Variants in ANO10 observed in about 807,000 individuals in gnomAD.
The protein encoded by ANO10 is anoctamin 10, also known as anoctamin-10.
In ANO10, 77 loss-of-function variants were observed where a neutral mutation model predicts 74.7. That is an observed-to-expected ratio of 1.03 (90% confidence interval 0.86 to 1.25). The LOEUF (loss-of-function observed/expected upper bound fraction) is 1.25. Ranked by LOEUF, ANO10 falls within the 50% of genes most tolerant of loss-of-function variation. ANO10 has a pLI of 0.00. For synonymous variants in ANO10, 279 were observed against 284.9 expected, an observed-to-expected ratio of 0.98 and a Z score of 0.21; for missense variants, 721 against 778.1, an observed-to-expected ratio of 0.93 and a Z score of 0.87.
Position 43,543,533 on chromosome 3 carries a change from C to T in ANO10, c.1797+6187G>A, listed in dbSNP as rs998943120. Among the ~76,000 whole-genome samples, 57 of 152,220 alleles carry T rather than the reference C, an allele frequency of 3.7e-4. 1 individual carries two copies. The highest frequency in any genetic ancestry group is 1.2e-3 in the African/African-American group (51 of 41,556). On this transcript the variant is annotated intron_variant, in intron 11 of 12. Transcript: ENST00000292246. Reference sequence around the variant, plus strand: ...GCCTCCCAGTAGCTGGGACTACAGGCGCCCGCCACAGCGCCCGCTAATTTT... The same window carrying T: ...GCCTCCCAGTAGCTGGGACTACAGGTGCCCGCCACAGCGCCCGCTAATTTT...
intron 11 of ANO10, among the ~76,000 whole-genome samples, chr3:43,517,847 A>G (rs562609955): frequency 6.6e-6 from 1 of 152,298 alleles, no homozygotes; most frequent in South Asian, 2.1e-4. Flanking sequence ...GTGCTTAAAT[A>G]CTGCAGCAGC....
At chr3:43,551,352 T>G in intron 10 of ANO10, 4 of 342,660 alleles carry the variant, frequency 1.2e-5, no homozygotes, top group South Asian at 9.5e-5. Flanking sequence ...ACTTGCAATA[T>G]GTTTGTAACT....
At chr3:43,383,193 T>C (rs1267320833) in intron 12 of ANO10, among the ~76,000 whole-genome samples, 2 of 152,030 alleles carry the variant, frequency 1.3e-5, no homozygotes, top group African/African-American at 4.8e-5. Flanking sequence ...GTGGCTCATG[T>C]CTGTAATCCC....
At chr3:43,620,641 G>A (rs1192265882) in intron 1 of ANO10, among the ~76,000 whole-genome samples, 2 of 152,162 alleles carry the variant, frequency 1.3e-5, no homozygotes, top group Non-Finnish European at 2.9e-5. Context: ...AGCCGGGCAT[G>A]GTGGCAGGCG....
intron 11 of ANO10, among the ~76,000 whole-genome samples, chr3:43,501,363 C>T (rs1052881095): frequency 6.6e-6 from 1 of 152,182 alleles, no homozygotes; most frequent in Non-Finnish European, 1.5e-5. Context: ...ATGACCCAAA[C>T]ACTGCCCATT....
intron 9 of ANO10, among the ~76,000 whole-genome samples, chr3:43,560,492 G>C (rs1191227578): frequency 6.6e-6 from 1 of 152,114 alleles, no homozygotes; most frequent in Non-Finnish European, 1.5e-5. Context: ...ACAATAATGG[G>C]CTCTCAGTAA....
intron 11 of ANO10, among the ~76,000 whole-genome samples, chr3:43,462,380 C>A (rs2075417398): frequency 6.6e-6 from 1 of 152,136 alleles, no homozygotes; most frequent in Admixed American, 6.5e-5. Flanking sequence ...CAGGCACCCA[C>A]CACCACACCT....
At chr3:43,419,003 T>C (rs925341392) in intron 12 of ANO10, among the ~76,000 whole-genome samples, 3 of 152,262 alleles carry the variant, frequency 2.0e-5, no homozygotes, top group Admixed American at 1.3e-4. Flanking sequence ...AAGTATTTAT[T>C]ATCTGGCCCT....
chr3:43,401,874 G>A (rs192596276), intron 12 of ANO10, among the ~76,000 whole-genome samples: 2 of 152,140 alleles, frequency 1.3e-5, no homozygotes, highest in East Asian at 1.9e-4. Flanking sequence ...ATTATATGTC[G>A]GGCTCAGGCA....
At chr3:43,582,016 T>C (rs2081284564) in intron 4 of ANO10, among the ~76,000 whole-genome samples, 1 of 152,170 alleles carries the variant, frequency 6.6e-6, no homozygotes, top group African/African-American at 2.4e-5. Flanking sequence ...TGAGCTTCTT[T>C]AAGGTTTATC....
At chr3:43,608,241 A>T (rs2082651290) in intron 1 of ANO10, among the ~76,000 whole-genome samples, 1 of 152,222 alleles carries the variant, frequency 6.6e-6, no homozygotes, top group African/African-American at 2.4e-5. Flanking sequence ...AATTAGACTG[A>T]AAGAGTATCT....
At chr3:43,691,237 C>A in intron 1 of ANO10, 1 of 452,852 alleles carries the variant, frequency 2.2e-6, no homozygotes, top group Non-Finnish European at 3.6e-6. Flanking sequence ...AGGCTCCCCT[C>A]AGCGTCGGGG....
chr3:43,480,775 A>T (rs1001039842), intron 11 of ANO10, among the ~76,000 whole-genome samples: 1 of 152,156 alleles, frequency 6.6e-6, no homozygotes, highest in East Asian at 1.9e-4. Flanking sequence ...AAAACAACAC[A>T]ACACACTGAG....
intron 1 of ANO10, among the ~76,000 whole-genome samples, chr3:43,638,004 C>T (rs1247316014): frequency 6.6e-6 from 1 of 152,158 alleles, no homozygotes; most frequent in Non-Finnish European, 1.5e-5. Context: ...AGGAAATGTG[C>T]ATATTTATCT....
intron 12 of ANO10, among the ~76,000 whole-genome samples, chr3:43,396,639 T>G (rs1355145377): frequency 6.6e-6 from 1 of 151,548 alleles, no homozygotes; most frequent in Non-Finnish European, 1.5e-5. Context: ...ACCCGGCCCA[T>G]GTTTGATAAG....
At chr3:43,418,844 C>G (rs2092779541) in intron 12 of ANO10, among the ~76,000 whole-genome samples, 1 of 152,220 alleles carries the variant, frequency 6.6e-6, no homozygotes, top group South Asian at 2.1e-4. Flanking sequence ...CAATAGGTCC[C>G]TAAGCCAAAA....
chr3:43,417,168 A>G (rs1270022619), intron 12 of ANO10, among the ~76,000 whole-genome samples: 2 of 152,232 alleles, frequency 1.3e-5, no homozygotes, highest in Non-Finnish European at 2.9e-5. Flanking sequence ...TGTAAAGTCC[A>G]GCTGCAGACA....
chr3:43,414,701 T>C (rs1266186023), intron 12 of ANO10, among the ~76,000 whole-genome samples: 1 of 152,192 alleles, frequency 6.6e-6, no homozygotes, highest in African/African-American at 2.4e-5. Context: ...GCACGTAATT[T>C]TCCAAAGAAA....
intron 11 of ANO10, among the ~76,000 whole-genome samples, chr3:43,492,259 C>G (rs1559609289): frequency 1.3e-5 from 2 of 152,100 alleles, no homozygotes. Flanking sequence ...GAAACTGGAC[C>G]CCTTCCTTAC....
Sources: allele counts gnomAD v4.1 joint callset (sites outside exome capture counted in the v4.1 genomes callset), GRCh38; gene constraint gnomAD v4.1.1; transcripts MANE v1.5; gene names NCBI Gene and HGNC (gene_info 2026-07-23, HGNC 2026-07-21).